THEMIS: variants seen among roughly 807,000 people sequenced by gnomAD.
The protein encoded by THEMIS is protein THEMIS.
Under a neutral mutation model 52.6 loss-of-function variants are expected in THEMIS, and 37 were observed. That is an observed-to-expected ratio of 0.70 (90% CI 0.54 to 0.93). The LOEUF is 0.93. Among genes scored for constraint, THEMIS ranks in the 40% least tolerant of loss-of-function variants. The pLI, the probability that THEMIS is intolerant of heterozygous loss-of-function variation, is 0.00. For synonymous variants in THEMIS, 292 were observed against 272.7 expected (o/e 1.07, Z -0.70); for missense variants, 808 against 763.1 (o/e 1.06, Z -0.69).
chr6:127,867,205 C>A (rs920215540), intron 1 of THEMIS, among the ~76,000 whole-genome samples: 2 of 151,912 alleles, frequency 1.3e-5, no homozygotes, highest in Non-Finnish European at 2.9e-5. Flanking sequence ...ATAATATCAA[C>A]TGATATGTTT....
intron 1 of THEMIS, among the ~76,000 whole-genome samples, chr6:127,910,294 G>A (rs1781379539): frequency 6.6e-6 from 1 of 151,940 alleles, no homozygotes; most frequent in Admixed American, 6.6e-5. Flanking sequence ...ATTGCAACAA[G>A]CCTCATCATT....
At chr6:127,860,832 TAAAAAC>T (rs1011377784) in intron 1 of THEMIS, among the ~76,000 whole-genome samples, 1 of 152,176 alleles carries the variant, frequency 6.6e-6, no homozygotes, top group Non-Finnish European at 1.5e-5. Context: ...GTGCATTAGC[TAAAAAC>T]GTATTTGTTT....
At chr6:127,786,693 C>T (rs13194635) in intron 4 of THEMIS, among the ~76,000 whole-genome samples, 11 of 152,114 alleles carry the variant, frequency 7.2e-5, no homozygotes, top group Non-Finnish European at 1.3e-4. Flanking sequence ...AAATGGCAGG[C>T]TAAGGACTTC....
chr6:127,779,388 A>G (rs1776669591), intron 4 of THEMIS, among the ~76,000 whole-genome samples: 1 of 152,160 alleles, frequency 6.6e-6, no homozygotes, highest in Non-Finnish European at 1.5e-5. Flanking sequence ...TTCCAGAGAC[A>G]GAGACATACA....
the THEMIS span, among the ~76,000 whole-genome samples, chr6:127,701,977 G>C: frequency 2.6e-5 from 4 of 151,772 alleles, no homozygotes; most frequent in Non-Finnish European, 5.9e-5. Flanking sequence ...ATATCTTCCA[G>C]TCTGTAATTA....
In THEMIS at chr6:127,911,349, C is replaced by CATTT. The variant is rs543008326; in HGVS notation, c.-150+7075_-150+7078dup. On this transcript the variant is annotated intron_variant, in intron 1 of 6. Transcript: ENST00000368250. Reference sequence around the variant, plus strand: ...AAGGAGATATTTCTGTCTTCTCCTTCATTTATTTATTTATTTATTTATTTA... The same window carrying CATTT: ...AAGGAGATATTTCTGTCTTCTCCTTCATTTATTTATTTATTTATTTATTTATTTA... Among the ~76,000 whole-genome samples the CATTT allele has an allele frequency of 7.3e-4, 110 of 150,666 alleles. 2 individuals are homozygous for CATTT. Among genetic ancestry groups the CATTT allele is most frequent in the East Asian group, 3.1e-3 (16 of 5,154 alleles).
chr6:127,820,814 A>AT (rs144857189), intron 3 of THEMIS, among the ~76,000 whole-genome samples: 10,457 of 151,918 alleles, frequency 0.069, 372 homozygotes, highest in Non-Finnish European at 0.086. Context: ...TATTCTGTTG[A>AT]TTTTTTTATA....
chr6:127,893,591 G>A (rs879060303), intron 1 of THEMIS, among the ~76,000 whole-genome samples: 9 of 152,012 alleles, frequency 5.9e-5, no homozygotes, highest in Admixed American at 4.6e-4. Context: ...ACATCGATAC[G>A]GCTCCTAAAA....
At chr6:127,699,291 T>C in the THEMIS span, among the ~76,000 whole-genome samples, 1 of 151,710 alleles carries the variant, frequency 6.6e-6, no homozygotes, top group African/African-American at 2.4e-5. Flanking sequence ...CCATCTTTTT[T>C]GGCTGTGTGT....
chr6:127,769,385 C>T (rs1307002449), intron 4 of THEMIS, among the ~76,000 whole-genome samples: 10 of 148,292 alleles, frequency 6.7e-5, no homozygotes, highest in African/African-American at 1.7e-4. Context: ...TCTTGCTTGG[C>T]AGTGCATTAA....
chr6:127,715,226 A>C (rs1774116282), intron 5 of THEMIS, among the ~76,000 whole-genome samples: 1 of 151,934 alleles, frequency 6.6e-6, no homozygotes, highest in African/African-American at 2.4e-5. Flanking sequence ...AATTCTACTA[A>C]TATCGTTATT....
At chr6:127,746,726 A>G (rs1489124217) in intron 4 of THEMIS, among the ~76,000 whole-genome samples, 8 of 102,166 alleles carry the variant, frequency 7.8e-5, no homozygotes, top group Non-Finnish European at 1.3e-4. Flanking sequence ...ATTATATATT[A>G]TTATATAATT....
chr6:127,716,543 A>G (rs1327046023), intron 5 of THEMIS, among the ~76,000 whole-genome samples: 1 of 151,896 alleles, frequency 6.6e-6, no homozygotes, highest in Non-Finnish European at 1.5e-5. Context: ...TGCCAGCTCC[A>G]GATCTCCCTA....
chr6:127,798,740 C>T (rs1777417810), intron 4 of THEMIS, among the ~76,000 whole-genome samples: 1 of 152,008 alleles, frequency 6.6e-6, no homozygotes, highest in African/African-American at 2.4e-5. Flanking sequence ...CCTGTAATCC[C>T]AGCACTTTGG....
the THEMIS span, among the ~76,000 whole-genome samples, chr6:127,697,380 C>A: frequency 1.3e-5 from 2 of 152,160 alleles, no homozygotes; most frequent in African/African-American, 4.8e-5. Flanking sequence ...AGGATTGTTG[C>A]ATTAGCCCCC....
In THEMIS at chr6:127,888,554, C is replaced by T. The variant is rs570074914; in HGVS notation, c.91+12288G>A. On this transcript the variant is annotated intron_variant, in intron 1 of 5. Transcript: ENST00000368248. ...ATAACAGAATACATCAAAATGTTAACCATATTTCTCTCTGTTTGGTGGCAT... is the reference window on the plus strand; with the variant it reads ...ATAACAGAATACATCAAAATGTTAATCATATTTCTCTCTGTTTGGTGGCAT... Among the ~76,000 whole-genome samples, 9 of 152,040 alleles carry T rather than the reference C, an allele frequency of 5.9e-5. No individual in the cohort carries two copies. The East Asian group carries it at 1.2e-3, about 20-fold the overall frequency.
chr6:127,788,556 T>TATGG (rs1777053756), intron 4 of THEMIS, among the ~76,000 whole-genome samples: 1 of 152,350 alleles, frequency 6.6e-6, no homozygotes, highest in Middle Eastern at 3.4e-3. Flanking sequence ...AGTATTCATT[T>TATGG]ACGGACAGTA....
At chr6:127,733,259 C>G (rs1442032314) in intron 4 of THEMIS, among the ~76,000 whole-genome samples, 1 of 152,030 alleles carries the variant, frequency 6.6e-6, no homozygotes, top group Non-Finnish European at 1.5e-5. Flanking sequence ...TTTGGTATCC[C>G]TTATCTATTT....
chr6:127,812,625 G>A (rs1265452083), intron 4 of THEMIS, among the ~76,000 whole-genome samples: 3 of 152,148 alleles, frequency 2.0e-5, no homozygotes, highest in Non-Finnish European at 4.4e-5. Flanking sequence ...CCACTGAAAA[G>A]GCAATTTGGG....
Sources: allele counts gnomAD v4.1 joint callset (sites outside exome capture counted in the v4.1 genomes callset), GRCh38; gene constraint gnomAD v4.1.1; transcripts MANE v1.5; gene names NCBI Gene and HGNC (gene_info 2026-07-23, HGNC 2026-07-21).